SLC8A1: variants seen among roughly 807,000 people sequenced by gnomAD.
SLC8A1 encodes solute carrier family 8 member A1.
Under a neutral mutation model 68.3 loss-of-function variants are expected in SLC8A1, and 18 were observed. The observed-to-expected ratio is 0.26, with a 90% CI of 0.18 to 0.39. The LOEUF is 0.39. SLC8A1 is among the 10% of genes least tolerant of loss of function. The pLI is 1.00. For synonymous variants in SLC8A1, 475 were observed against 415.5 expected (o/e 1.14, Z -1.74); for missense variants, 985 against 1,156.7 (o/e 0.85, Z 2.15).
At chr2:40,304,695 G>A (rs778452627) in intron 2 of SLC8A1, among the ~76,000 whole-genome samples, 6 of 152,046 alleles carry the variant, frequency 3.9e-5, no homozygotes, top group South Asian at 2.1e-4. Context: ...ATGTGCTGCC[G>A]TGTCTGCTCA....
intron 1 of SLC8A1, among the ~76,000 whole-genome samples, chr2:40,432,087 G>A (rs573500627): frequency 6.6e-6 from 1 of 152,178 alleles, no homozygotes; most frequent in East Asian, 1.9e-4. Flanking sequence ...GTCTTTGAAA[G>A]GCTTTGAGAT....
chr2:40,258,043 C>T (rs1466649830), intron 2 of SLC8A1, among the ~76,000 whole-genome samples: 1 of 152,152 alleles, frequency 6.6e-6, no homozygotes, highest in Non-Finnish European at 1.5e-5. Flanking sequence ...AATAATTAAG[C>T]AAACAGAATG....
intron 2 of SLC8A1, among the ~76,000 whole-genome samples, chr2:40,225,337 A>C (rs2058836068): frequency 1.3e-5 from 2 of 152,194 alleles, no homozygotes; most frequent in South Asian, 4.1e-4. Flanking sequence ...TGAATATTCA[A>C]TAAGGAAGTA....
Position 40,249,242 on chromosome 2 carries a change from T to TATCA in SLC8A1, c.1809-71391_1809-71388dup, listed in dbSNP as rs1269520110. 5.3e-5 allele frequency among the ~76,000 whole-genome samples: 8 copies of TATCA among 152,330 alleles called. No homozygotes were observed. The South Asian group carries it at 1.2e-3, about 24-fold the overall frequency. On this transcript the variant is annotated intron_variant, in intron 2 of 7. Transcript: ENST00000406785. ...ATTAAAGAGTCTCTGTTATGATGTC[T>TATCA]ATCAATCAAGTAAAAAAATAGGGTT...
chr2:40,376,029 T>C (rs1277007319), intron 2 of SLC8A1, among the ~76,000 whole-genome samples: 1 of 151,942 alleles, frequency 6.6e-6, no homozygotes, highest in African/African-American at 2.4e-5. Context: ...AATAAAAAGT[T>C]GTAATTTGTA....
At chr2:40,197,760 C>A (rs541287463) in intron 2 of SLC8A1, among the ~76,000 whole-genome samples, 98 of 152,084 alleles carry the variant, frequency 6.4e-4, no homozygotes, top group African/African-American at 2.3e-3. Flanking sequence ...CTTGCTACAC[C>A]TTTTCTCCAC....
At chr2:40,112,766 A>T (rs1024398725) in exon 8 of SLC8A1, 2 of 152,534 alleles carry the variant, frequency 1.3e-5, no homozygotes, top group Admixed American at 1.3e-4. Context: ...GATGGGATAC[A>T]CTGGGCTTTC....
At chr2:40,207,655 A>G (rs2148751774) in intron 2 of SLC8A1, among the ~76,000 whole-genome samples, 1 of 152,298 alleles carries the variant, frequency 6.6e-6, no homozygotes, top group African/African-American at 2.4e-5. Context: ...TGCTTAAAAA[A>G]TATGGGCATA....
chr2:40,241,441 A>G (rs2061211918), intron 2 of SLC8A1, among the ~76,000 whole-genome samples: 1 of 152,122 alleles, frequency 6.6e-6, no homozygotes. Flanking sequence ...GCATCACACA[A>G]TAAACCCGCA....
At chr2:40,116,748 G>T (rs1464057355) in intron 7 of SLC8A1, 1 of 152,172 alleles carries the variant, frequency 6.6e-6, no homozygotes, top group Admixed American at 6.5e-5. Flanking sequence ...CTTTCACTGT[G>T]CTGTGGGCAC....
intron 1 of SLC8A1, among the ~76,000 whole-genome samples, chr2:40,463,173 G>A (rs1348133359): frequency 6.6e-6 from 1 of 152,138 alleles, no homozygotes. Flanking sequence ...ACTCTGTAAA[G>A]CTCCAAAAGG....
intron 2 of SLC8A1, among the ~76,000 whole-genome samples, chr2:40,414,363 T>C (rs930132711): frequency 1.3e-5 from 2 of 152,158 alleles, no homozygotes; most frequent in Non-Finnish European, 2.9e-5. Context: ...ACAAGGTGTG[T>C]TTTAATGTGA....
intron 1 of SLC8A1, among the ~76,000 whole-genome samples, chr2:40,498,527 G>T (rs1021653350): frequency 6.6e-6 from 1 of 152,108 alleles, no homozygotes; most frequent in African/African-American, 2.4e-5. Flanking sequence ...AAATGCTGTT[G>T]GTTTCTGACC....
Position 40,146,835 on chromosome 2 carries a change from G to A in SLC8A1, c.2162-7159C>T, listed in dbSNP as rs934939434. 3.3e-5 allele frequency among the ~76,000 whole-genome samples: 5 copies of A among 152,136 alleles called. 1 individual carries two copies. Among genetic ancestry groups the A allele is most frequent in the Admixed American group, 1.3e-4 (2 of 15,268 alleles). On this transcript the variant is annotated intron_variant, in intron 6 of 7. Coordinates refer to ENST00000406785, the Ensembl canonical transcript of SLC8A1. Reference sequence around the variant, plus strand: ...AGCCATCCCTACCCGCTTCTTCCAAGCCACAGCTAATCTGTGGGCCATACT... The same window carrying A: ...AGCCATCCCTACCCGCTTCTTCCAAACCACAGCTAATCTGTGGGCCATACT...
Position 40,190,977 on chromosome 2 carries a change from T to A in SLC8A1, c.1809-13122A>T, listed in dbSNP as rs184985929. Among the ~76,000 whole-genome samples, 8 of 148,970 alleles carry A rather than the reference T, an allele frequency of 5.4e-5. No individual in the cohort carries two copies. In the Admixed American group the frequency reaches 5.5e-4, roughly 10 times the overall value. On this transcript the variant is annotated intron_variant, in intron 2 of 7. Transcript: ENST00000406785. ...TTCCCCTTAGAAAATCTATTTGCAC[T>A]TTTAAAGGAATATTCATTTTCTAAT...
chr2:40,442,347 C>G (rs1700654686), intron 1 of SLC8A1, among the ~76,000 whole-genome samples: 1 of 147,534 alleles, frequency 6.8e-6, no homozygotes, highest in Non-Finnish European at 1.5e-5. Flanking sequence ...TGCAATCTAC[C>G]CAATCTGACA....
At chr2:40,367,383 G>A (rs898442803) in intron 2 of SLC8A1, among the ~76,000 whole-genome samples, 1 of 151,878 alleles carries the variant, frequency 6.6e-6, no homozygotes, top group East Asian at 1.9e-4. Context: ...CTAACACTTC[G>A]CTGATCTTTG....
chr2:40,440,141 C>A (rs1261795928), intron 1 of SLC8A1, among the ~76,000 whole-genome samples: 1 of 151,946 alleles, frequency 6.6e-6, no homozygotes, highest in African/African-American at 2.4e-5. Context: ...CTAGCTAGGG[C>A]ATCTAGTGAA....
intron 4 of SLC8A1, among the ~76,000 whole-genome samples, chr2:40,167,723 T>C (rs2046785881): frequency 6.6e-6 from 1 of 152,206 alleles, no homozygotes; most frequent in Admixed American, 6.5e-5. Context: ...ACCCCACCTC[T>C]TCTGGCAGGA....
Sources: gnomAD v4.1 joint callset for allele counts (sites outside exome capture counted in the v4.1 genomes callset) on GRCh38, gnomAD v4.1.1 for gene constraint, MANE v1.5 for transcripts, NCBI Gene and HGNC (gene_info 2026-07-23, HGNC 2026-07-21) for gene names.